The following ASTN2 variants were observed in gnomAD, a reference collection of about 807,000 sequenced individuals.
ASTN2 encodes the protein astrotactin-2.
A neutral mutation model predicts 139.8 loss-of-function variants in ASTN2; 54 were observed. That is an observed-to-expected ratio of 0.39 (90% CI 0.31 to 0.48). The LOEUF (loss-of-function observed/expected upper bound fraction) is 0.48. Ranked by LOEUF, ASTN2 falls within the 20% of genes least tolerant of loss-of-function variation. The pLI is 0.95. For missense variants in ASTN2, 1,565 were observed against 1,725.1 expected (o/e 0.91, Z 1.64); for synonymous variants, 756 against 719.5 (o/e 1.05, Z -0.81).
Position 117,008,176 on chromosome 9 carries a change from T to G in ASTN2, c.1507A>C (p.Ile503Leu). The G allele has an allele frequency of 6.2e-7, 1 of 1,611,634 alleles. No homozygotes were observed. Among genetic ancestry groups the G allele is most frequent in the Non-Finnish European group, 8.5e-7 (1 of 1,178,906 alleles). Residue 503 changes from isoleucine to leucine, a missense_variant, in exon 7 of 23, where the codon ATC becomes CTC. Ile to Leu is a conservative substitution (Grantham distance 5). This residue lies in a region of ASTN2 where 503 missense variants were observed against 591.7 expected (regional missense o/e 0.85). Transcript: ENST00000313400. ...CTCACCCATGGGGAGGTGGCATTGA[T>G]CTGGTAATACAGGGAAAGCTTGGCC... ...NPAKLSLYYQINATSPWVRDL... is the reference protein window; with the variant it reads ...NPAKLSLYYQLNATSPWVRDL...
At chr9:116,686,658 A>T in intron 16 of ASTN2, 2 of 1,540,772 alleles carry the variant, frequency 1.3e-6, no homozygotes, top group Non-Finnish European at 1.8e-6. Context: ...CTCCACCTTC[A>T]CCCGAGCAAA....
At chr9:117,358,357 T>A (rs1829601970) in intron 1 of ASTN2, among the ~76,000 whole-genome samples, 1 of 151,762 alleles carries the variant, frequency 6.6e-6, no homozygotes, top group Non-Finnish European at 1.5e-5. Context: ...TATTGTCAGT[T>A]TCAATCTCTG....
intron 19 of ASTN2, among the ~76,000 whole-genome samples, chr9:116,566,328 T>G (rs1452422462): frequency 6.6e-6 from 1 of 152,204 alleles, no homozygotes; most frequent in African/African-American, 2.4e-5. Context: ...ACTGGGCTCA[T>G]TCCAGGATCA....
intron 10 of ASTN2, among the ~76,000 whole-genome samples, chr9:116,897,885 C>T (rs1319944880): frequency 6.6e-6 from 1 of 151,986 alleles, no homozygotes; most frequent in Non-Finnish European, 1.5e-5. Context: ...AATAACTTTT[C>T]CAAAAATCAC....
intron 17 of ASTN2, among the ~76,000 whole-genome samples, chr9:116,640,606 T>C (rs764588689): frequency 5.5e-4 from 84 of 152,214 alleles, no homozygotes; most frequent in Admixed American, 2.2e-3. Context: ...AAGATCACTA[T>C]GGCTGGAGCA....
chr9:116,570,356 C>T (rs938698781), intron 19 of ASTN2, among the ~76,000 whole-genome samples: 6 of 151,734 alleles, frequency 4.0e-5, no homozygotes, highest in Admixed American at 3.9e-4. Context: ...TCTCTATCAC[C>T]TATTGTTCTA....
intron 19 of ASTN2, among the ~76,000 whole-genome samples, chr9:116,607,736 C>T (rs908355608): frequency 4.7e-5 from 7 of 148,850 alleles, no homozygotes; most frequent in African/African-American, 1.5e-4. Context: ...CTGAAGCAGG[C>T]GGGTCACGAG....
chr9:117,381,439 G>T (rs113731405), intron 1 of ASTN2, among the ~76,000 whole-genome samples: 2 of 152,106 alleles, frequency 1.3e-5, no homozygotes, highest in Non-Finnish European at 2.9e-5. Context: ...TCATGGGGGT[G>T]GATTTCTCAT....
At chr9:116,696,696 T>A (rs1044686898) in intron 16 of ASTN2, among the ~76,000 whole-genome samples, 1 of 152,196 alleles carries the variant, frequency 6.6e-6, no homozygotes, top group African/African-American at 2.4e-5. Flanking sequence ...TACCTACATG[T>A]CTTGTCTTTT....
At chr9:117,332,220 C>A (rs958072635) in intron 1 of ASTN2, among the ~76,000 whole-genome samples, 10 of 152,278 alleles carry the variant, frequency 6.6e-5, no homozygotes, top group African/African-American at 2.4e-4. Context: ...CTCTGTCAGG[C>A]TTTAGCTAAA....
intron 10 of ASTN2, among the ~76,000 whole-genome samples, chr9:116,953,727 G>A (rs1415965972): frequency 6.6e-6 from 1 of 152,206 alleles, no homozygotes; most frequent in Non-Finnish European, 1.5e-5. Context: ...CTCAACACTT[G>A]ATCCTTGATG....
chr9:117,089,296 G>A (rs1828644223), intron 5 of ASTN2, among the ~76,000 whole-genome samples: 1 of 152,192 alleles, frequency 6.6e-6, no homozygotes, highest in African/African-American at 2.4e-5. Context: ...TCCTGACTCT[G>A]AGTCCAACAT....
At chr9:116,920,141 G>A (rs1408048477) in intron 10 of ASTN2, among the ~76,000 whole-genome samples, 15 of 152,058 alleles carry the variant, frequency 9.9e-5, no homozygotes, top group Non-Finnish European at 2.2e-4. Context: ...AAGATGGTCT[G>A]AGCTCTAAAA....
chr9:117,005,815 G>T (rs1837338264), intron 7 of ASTN2, among the ~76,000 whole-genome samples: 1 of 152,076 alleles, frequency 6.6e-6, no homozygotes, highest in Non-Finnish European at 1.5e-5. Context: ...CCCAGGGACA[G>T]AAGATTGCCT....
intron 10 of ASTN2, among the ~76,000 whole-genome samples, chr9:116,898,352 G>T (rs192222792): frequency 3.0e-4 from 46 of 151,322 alleles, no homozygotes; most frequent in African/African-American, 1.1e-3. Context: ...AACAGCTGCA[G>T]TGAGCTATGA....
intron 13 of ASTN2, among the ~76,000 whole-genome samples, chr9:116,778,184 T>C (rs1490933874): frequency 2.5e-5 from 3 of 121,360 alleles, no homozygotes; most frequent in African/African-American, 3.0e-5. Context: ...TGTGGGATGT[T>C]ACCACACCCA....
chr9:117,033,915 A>G (rs1198115308), intron 6 of ASTN2, among the ~76,000 whole-genome samples: 1 of 152,166 alleles, frequency 6.6e-6, no homozygotes, highest in African/African-American at 2.4e-5. Context: ...TAGATAACAG[A>G]CATGCTCAAT....
intron 17 of ASTN2, among the ~76,000 whole-genome samples, chr9:116,634,584 C>T (rs1358176938): frequency 1.0e-5 from 1 of 99,012 alleles, no homozygotes; most frequent in Admixed American, 1.4e-4. Context: ...AGCGAGACTC[C>T]GTCTCAAAAA....
intron 17 of ASTN2, among the ~76,000 whole-genome samples, chr9:116,631,365 C>A (rs574544228): frequency 2.3e-4 from 35 of 152,264 alleles, no homozygotes; most frequent in African/African-American, 8.2e-4. Flanking sequence ...TGTATATATA[C>A]AATGGAGCAT....
Sources: allele counts gnomAD v4.1 joint callset (sites outside exome capture counted in the v4.1 genomes callset), GRCh38; gene constraint gnomAD v4.1.1; regional missense constraint gnomAD v4.1.1; transcripts MANE v1.5; gene names NCBI Gene and HGNC (gene_info 2026-07-23, HGNC 2026-07-21).